Variants in PLXNA2 observed in about 807,000 individuals in gnomAD.
PLXNA2 encodes the protein plexin-A2.
A neutral mutation model predicts 193.5 loss-of-function variants in PLXNA2; 91 were observed. The ratio of observed to expected loss-of-function variants is 0.47; its 90% CI spans 0.40 to 0.56. The LOEUF (loss-of-function observed/expected upper bound fraction) is 0.56, where lower values mean the gene tolerates loss of function less well. PLXNA2 is among the 20% of genes least tolerant of loss of function. The pLI is 0.00. For synonymous variants in PLXNA2, 997 were observed against 1,027.3 expected (o/e 0.97, Z 0.56); for missense variants, 1,995 against 2,503.2 (o/e 0.80, Z 4.33).
chr1:208,029,501 C>A, intron 29 of PLXNA2: 8 of 1,001,634 alleles, frequency 8.0e-6, no homozygotes, highest in Non-Finnish European at 9.5e-6. Context: ...AGGGCGCCAC[C>A]TGCGCTCCCC....
At chr1:208,171,304 G>T (rs1004015497) in intron 3 of PLXNA2, among the ~76,000 whole-genome samples, 5 of 152,218 alleles carry the variant, frequency 3.3e-5, no homozygotes, top group Non-Finnish European at 7.3e-5. Context: ...GGTGAATGCA[G>T]TAATGATAAT....
chr1:208,106,080 T>TC (rs1667262597), intron 4 of PLXNA2, among the ~76,000 whole-genome samples: 1 of 151,594 alleles, frequency 6.6e-6, no homozygotes, highest in Non-Finnish European at 1.5e-5. Flanking sequence ...TTTTTTTTTT[T>TC]TTTAATGCAC....
chr1:208,205,131 C>T (rs943724437), intron 3 of PLXNA2, among the ~76,000 whole-genome samples: 1 of 152,240 alleles, frequency 6.6e-6, no homozygotes, highest in African/African-American at 2.4e-5. Flanking sequence ...GCATCTTTCA[C>T]TTGCTCAGCT....
intron 5 of PLXNA2, among the ~76,000 whole-genome samples, chr1:208,100,216 A>T (rs12124935): frequency 0.014 from 2,078 of 152,200 alleles, 20 homozygotes; most frequent in Middle Eastern, 0.027. Context: ...TCTAAAAAAA[A>T]AAATTAGCTG....
At chr1:208,240,519 T>G (rs1475907321) in intron 1 of PLXNA2, among the ~76,000 whole-genome samples, 1 of 152,140 alleles carries the variant, frequency 6.6e-6, no homozygotes, top group Non-Finnish European at 1.5e-5. Context: ...GTTCCATTCA[T>G]CATTGTTTGA....
At chr1:208,085,621 C>CA (rs1342579052) in intron 9 of PLXNA2, among the ~76,000 whole-genome samples, 1 of 152,228 alleles carries the variant, frequency 6.6e-6, no homozygotes, top group African/African-American at 2.4e-5. Context: ...AAGCCTTGTG[C>CA]AATGCCGGCA....
At chr1:208,117,861 A>G (rs1292944066) in intron 4 of PLXNA2, among the ~76,000 whole-genome samples, 1 of 152,232 alleles carries the variant, frequency 6.6e-6, no homozygotes, top group Non-Finnish European at 1.5e-5. Context: ...AAAAATCTGC[A>G]CATCAGTCCA....
chr1:208,229,494 G>C (rs1397395861), intron 1 of PLXNA2, among the ~76,000 whole-genome samples: 1 of 152,178 alleles, frequency 6.6e-6, no homozygotes, highest in Non-Finnish European at 1.5e-5. Context: ...GTCCCTACTA[G>C]TTGGCCTCAA....
intron 3 of PLXNA2, among the ~76,000 whole-genome samples, chr1:208,208,446 G>A (rs941873691): frequency 2.0e-5 from 3 of 152,184 alleles, no homozygotes; most frequent in African/African-American, 7.2e-5. Flanking sequence ...TGAGAGTATT[G>A]GGCCAGGCAA....
chr1:208,098,458 T>TCACACACACACACA (rs56677339), intron 6 of PLXNA2, among the ~76,000 whole-genome samples: 5 of 123,420 alleles, frequency 4.1e-5, no homozygotes, highest in Admixed American at 8.3e-5. Context: ...TCTCTCTCTC[T>TCACACACACACACA]CACACACACA....
At chr1:208,167,575 C>A (rs184092588) in intron 3 of PLXNA2, among the ~76,000 whole-genome samples, 1 of 152,104 alleles carries the variant, frequency 6.6e-6, no homozygotes, top group African/African-American at 2.4e-5. Flanking sequence ...TATGCCCTAG[C>A]GCCCTGCTCT....
intron 12 of PLXNA2, among the ~76,000 whole-genome samples, chr1:208,073,682 T>C (rs1666043429): frequency 2.0e-5 from 3 of 152,160 alleles, no homozygotes; most frequent in South Asian, 4.1e-4. Context: ...GCACCTTCTT[T>C]GGATATAGGG....
intron 1 of PLXNA2, among the ~76,000 whole-genome samples, chr1:208,239,135 A>T (rs935834412): frequency 2.0e-5 from 3 of 146,958 alleles, no homozygotes; most frequent in African/African-American, 7.6e-5. Flanking sequence ...TATCTCATCT[A>T]TTAATATTTT....
intron 13 of PLXNA2, among the ~76,000 whole-genome samples, chr1:208,057,316 C>A (rs1366487801): frequency 6.6e-6 from 1 of 152,178 alleles, no homozygotes; most frequent in Non-Finnish European, 1.5e-5. Context: ...TGATTCAAAT[C>A]CAGGTCAGCT....
intron 2 of PLXNA2, among the ~76,000 whole-genome samples, chr1:208,211,774 A>C (rs1009238374): frequency 6.6e-6 from 1 of 152,184 alleles, no homozygotes; most frequent in Non-Finnish European, 1.5e-5. Context: ...ACTGGTTGTG[A>C]AAACTTGGAC....
intron 3 of PLXNA2, among the ~76,000 whole-genome samples, chr1:208,204,415 C>T (rs536574299): frequency 2.0e-5 from 3 of 152,256 alleles, no homozygotes; most frequent in South Asian, 2.1e-4. Context: ...TCTGAGATTA[C>T]CACCCCACCC....
At chr1:208,189,000 A>C (rs1670093289) in intron 3 of PLXNA2, among the ~76,000 whole-genome samples, 1 of 152,200 alleles carries the variant, frequency 6.6e-6, no homozygotes. Flanking sequence ...GACCTGGTGC[A>C]TGGCAGGTTC....
intron 1 of PLXNA2, among the ~76,000 whole-genome samples, chr1:208,234,557 C>T (rs549532924): frequency 1.8e-4 from 27 of 152,256 alleles, no homozygotes; most frequent in African/African-American, 6.0e-4. Context: ...CCCAGACATC[C>T]TGCTAGGTTT....
intron 1 of PLXNA2, among the ~76,000 whole-genome samples, chr1:208,221,275 G>A (rs545561415): frequency 6.6e-5 from 10 of 151,862 alleles, no homozygotes; most frequent in Admixed American, 1.3e-4. Flanking sequence ...ATGCTACCTC[G>A]AAGCTTAGTT....
Sources: gnomAD v4.1 joint callset for allele counts (sites outside exome capture counted in the v4.1 genomes callset) on GRCh38, gnomAD v4.1.1 for gene constraint, MANE v1.5 for transcripts, NCBI Gene and HGNC (gene_info 2026-07-23, HGNC 2026-07-21) for gene names.